The following NRXN3 variants were observed in gnomAD, a reference collection of about 807,000 sequenced individuals.
NRXN3 encodes the protein neurexin III.
NRXN3 carries 32 observed loss-of-function variants against 137.6 expected under a neutral mutation model. That is an observed-to-expected ratio of 0.23 (90% CI 0.18 to 0.31). The LOEUF (loss-of-function observed/expected upper bound fraction) is 0.31. Ranked by LOEUF, NRXN3 falls within the 10% of genes least tolerant of loss-of-function variation. NRXN3 has a pLI of 1.00. For synonymous variants in NRXN3, 798 were observed against 784.5 expected, an observed-to-expected ratio of 1.02 and a Z score of -0.29; for missense variants, 1,574 against 2,062.5, an observed-to-expected ratio of 0.76 and a Z score of 4.59.
chr14:78,226,264 A>G (rs2064655571), intron 1 of NRXN3, among the ~76,000 whole-genome samples: 1 of 152,200 alleles, frequency 6.6e-6, no homozygotes, highest in African/African-American at 2.4e-5. Flanking sequence ...TCACATCCCA[A>G]AGTGCTGGGA....
chr14:79,557,106 C>A (rs913831394), intron 16 of NRXN3, among the ~76,000 whole-genome samples: 1 of 152,000 alleles, frequency 6.6e-6, no homozygotes, highest in African/African-American at 2.4e-5. Context: ...CTTGACTCCC[C>A]CTTAGCTCTC....
chr14:78,643,256 G>A (rs887657935), intron 4 of NRXN3, among the ~76,000 whole-genome samples: 5 of 152,192 alleles, frequency 3.3e-5, no homozygotes, highest in Non-Finnish European at 7.3e-5. Flanking sequence ...GAGTTGAAGT[G>A]GACTTGGCTT....
chr14:78,534,368 T>A (rs1393092606), intron 4 of NRXN3, among the ~76,000 whole-genome samples: 1 of 152,226 alleles, frequency 6.6e-6, no homozygotes, highest in East Asian at 1.9e-4. Flanking sequence ...CAGACGTCAG[T>A]GGATCTGTGA....
chr14:79,781,113 CCATT>C (rs1236699350), intron 19 of NRXN3, among the ~76,000 whole-genome samples: 5 of 151,972 alleles, frequency 3.3e-5, no homozygotes, highest in African/African-American at 4.8e-5. Context: ...TAAATTAACC[CCATT>C]ATTTTAGGAA....
intron 15 of NRXN3, among the ~76,000 whole-genome samples, chr14:79,205,912 C>A (rs2066718506): frequency 3.3e-5 from 5 of 152,106 alleles, no homozygotes. Flanking sequence ...TAGGCTCTCC[C>A]TGAATATACA....
chr14:78,269,176 T>C (rs1331502501), intron 2 of NRXN3, among the ~76,000 whole-genome samples: 1 of 152,154 alleles, frequency 6.6e-6, no homozygotes, highest in East Asian at 1.9e-4. Context: ...ACACAGCTAG[T>C]AGGAAGCTGG....
At chr14:78,280,284 ATATATACACACG>A (rs1382762644) in intron 3 of NRXN3, among the ~76,000 whole-genome samples, 1 of 152,192 alleles carries the variant, frequency 6.6e-6, no homozygotes, top group Admixed American at 6.5e-5. Context: ...ATATGCATAC[ATATATACACACG>A]TATATGCATG....
chr14:79,606,175 G>T (rs2098013090), intron 16 of NRXN3, among the ~76,000 whole-genome samples: 1 of 152,204 alleles, frequency 6.6e-6, no homozygotes, highest in Admixed American at 6.5e-5. Flanking sequence ...TGTGCAGCCG[G>T]TCCACCTCTT....
At chr14:79,658,728 G>C (rs1466212513) in intron 16 of NRXN3, among the ~76,000 whole-genome samples, 1 of 152,150 alleles carries the variant, frequency 6.6e-6, no homozygotes, top group Non-Finnish European at 1.5e-5. Flanking sequence ...GCCCACAAGA[G>C]GCATTATTTA....
At chr14:79,326,960 T>C (rs2090976005) in intron 15 of NRXN3, among the ~76,000 whole-genome samples, 1 of 151,988 alleles carries the variant, frequency 6.6e-6, no homozygotes, top group Non-Finnish European at 1.5e-5. Flanking sequence ...GTGAAACCTC[T>C]TTTTCAAAAA....
chr14:78,923,266 A>G (rs1239613796), intron 10 of NRXN3, among the ~76,000 whole-genome samples: 1 of 152,184 alleles, frequency 6.6e-6, no homozygotes, highest in Non-Finnish European at 1.5e-5. Context: ...GGCTAGCTAC[A>G]GAAAGAAAAA....
intron 19 of NRXN3, among the ~76,000 whole-genome samples, chr14:79,792,167 C>G (rs747522166): frequency 2.0e-5 from 3 of 151,946 alleles, no homozygotes; most frequent in African/African-American, 4.8e-5. Flanking sequence ...ACGTTAAACT[C>G]TTTTTCAGCA....
intron 15 of NRXN3, among the ~76,000 whole-genome samples, chr14:79,256,920 A>G (rs1209762874): frequency 4.0e-5 from 6 of 151,732 alleles, no homozygotes; most frequent in Admixed American, 6.6e-5. Context: ...TGTGTGACAG[A>G]AAGAGACAGA....
chr14:79,766,257 T>G (rs1246811668), intron 19 of NRXN3, among the ~76,000 whole-genome samples: 1 of 152,186 alleles, frequency 6.6e-6, no homozygotes, highest in African/African-American at 2.4e-5. Flanking sequence ...GATTTGCCTC[T>G]CAGCCTCTAG....
At chr14:79,671,504 C>T (rs1312061788) in intron 17 of NRXN3, among the ~76,000 whole-genome samples, 1 of 152,064 alleles carries the variant, frequency 6.6e-6, no homozygotes, top group Non-Finnish European at 1.5e-5. Flanking sequence ...GAAGCCTTGT[C>T]AGCCTCTTTC....
chr14:79,111,678 C>G (rs1315358798), intron 15 of NRXN3, among the ~76,000 whole-genome samples: 2 of 149,780 alleles, frequency 1.3e-5, no homozygotes, highest in Non-Finnish European at 2.9e-5. Flanking sequence ...GTGGACGTTG[C>G]AGTGAGCTGA....
intron 17 of NRXN3, among the ~76,000 whole-genome samples, chr14:79,677,675 G>A (rs1346640799): frequency 6.6e-6 from 1 of 152,124 alleles, no homozygotes; most frequent in African/African-American, 2.4e-5. Flanking sequence ...TGAGCTACAA[G>A]TAGGTCTATA....
chr14:79,421,266 A>G (rs921646893), intron 15 of NRXN3, among the ~76,000 whole-genome samples: 1 of 152,164 alleles, frequency 6.6e-6, no homozygotes, highest in Non-Finnish European at 1.5e-5. Context: ...ATATTTTAAT[A>G]TACTTCAGTG....
intron 19 of NRXN3, among the ~76,000 whole-genome samples, chr14:79,723,932 C>A (rs1039324748): frequency 6.6e-6 from 1 of 152,134 alleles, no homozygotes; most frequent in Admixed American, 6.5e-5. Flanking sequence ...CTATGCCTTT[C>A]ATCTCAACTG....
Sources: gnomAD v4.1 joint callset for allele counts (sites outside exome capture counted in the v4.1 genomes callset) on GRCh38, gnomAD v4.1.1 for gene constraint, MANE v1.5 for transcripts, NCBI Gene and HGNC (gene_info 2026-07-23, HGNC 2026-07-21) for gene names.